The following MTFR1 variants were observed in gnomAD, a reference collection of about 807,000 sequenced individuals.
The protein encoded by MTFR1 is chondrocyte protein with a poly-proline region.
MTFR1 carries 28 observed loss-of-function variants against 38.8 expected under a neutral mutation model. The observed-to-expected ratio is 0.72, with a 90% CI of 0.53 to 0.99. The LOEUF (loss-of-function observed/expected upper bound fraction) is 0.99. Among genes scored for constraint, MTFR1 ranks in the 50% least tolerant of loss-of-function variants. The pLI is 0.00. For missense variants in MTFR1, 358 were observed against 395.5 expected, an observed-to-expected ratio of 0.91 and a Z score of 0.81; for synonymous variants, 145 against 137.0, an observed-to-expected ratio of 1.06 and a Z score of -0.41.
At chr8:65,713,475 CACACACACAA>C (rs1256273952), downstream of MTFR1, among the ~76,000 whole-genome samples, 22 of 143,984 alleles carry the variant, frequency 1.5e-4, no homozygotes, top group African/African-American at 4.7e-4. Context: ...CACACACACA[CACACACACAA>C]ACAAAACAAA....
At chr8:65,675,175 C>T (rs1331384667) in intron 2 of MTFR1, among the ~76,000 whole-genome samples, 4 of 152,218 alleles carry the variant, frequency 2.6e-5, no homozygotes, top group Non-Finnish European at 5.9e-5. Context: ...CCCGTAGTCC[C>T]CGCTACTCGG....
intron 3 of MTFR1, among the ~76,000 whole-genome samples, chr8:65,768,095 G>A (rs1808886353): frequency 6.6e-6 from 1 of 152,192 alleles, no homozygotes; most frequent in African/African-American, 2.4e-5. Flanking sequence ...TGTGTTGGGA[G>A]AAACCCCTCC....
At chr8:65,703,419 GTTTTTTTTTTTTTT>G (rs553260839) in intron 4 of MTFR1, among the ~76,000 whole-genome samples, 8 of 50,940 alleles carry the variant, frequency 1.6e-4, no homozygotes, top group African/African-American at 4.0e-4. Context: ...GATGTCTCTG[GTTTTTTTTTTTTTT>G]TTTTTTTTTT....
At chr8:65,687,609 T>C (rs971005550) in intron 3 of MTFR1, among the ~76,000 whole-genome samples, 1 of 152,022 alleles carries the variant, frequency 6.6e-6, no homozygotes, top group African/African-American at 2.4e-5. Context: ...CCTCCCAAAG[T>C]GCTGGGATTA....
At chr8:65,699,272 A>G (rs1432320131) in intron 4 of MTFR1, among the ~76,000 whole-genome samples, 1 of 152,170 alleles carries the variant, frequency 6.6e-6, no homozygotes, top group Non-Finnish European at 1.5e-5. Flanking sequence ...TTCCGTGTCT[A>G]TGCTGTTGTG....
At chr8:65,734,798 G>C in intron 3 of MTFR1, 1 of 1,568,872 alleles carries the variant, frequency 6.4e-7, no homozygotes, top group Middle Eastern at 1.7e-4. Context: ...TCTTACCTTA[G>C]GTTCCTTTAA....
intron 3 of MTFR1, among the ~76,000 whole-genome samples, chr8:65,736,786 ATC>A (rs1461952422): frequency 3.5e-5 from 4 of 112,974 alleles, no homozygotes; most frequent in Non-Finnish European, 5.7e-5. Flanking sequence ...TAATAAATTT[ATC>A]TGTTTTTTTT....
chr8:65,702,297 CT>C (rs530863447), intron 4 of MTFR1, among the ~76,000 whole-genome samples: 13,699 of 110,226 alleles, frequency 0.12, 792 homozygotes, highest in East Asian at 0.43. Flanking sequence ...TTCTTTCTTT[CT>C]TTTTTTTTTT....
chr8:65,719,009 T>C (rs1001138876), intron 2 of MTFR1: 2 of 457,934 alleles, frequency 4.4e-6, no homozygotes, highest in Non-Finnish European at 8.0e-6. Flanking sequence ...GTGGCACATA[T>C]CAAAACTTCC....
intron 3 of MTFR1, among the ~76,000 whole-genome samples, chr8:65,737,594 A>G (rs2128899541): frequency 6.6e-6 from 1 of 151,888 alleles, no homozygotes; most frequent in East Asian, 1.9e-4. Flanking sequence ...CTCTCTCTCA[A>G]TCTCACCTCT....
At chr8:65,667,191 G>A (rs1012173388) in intron 1 of MTFR1, among the ~76,000 whole-genome samples, 2 of 151,890 alleles carry the variant, frequency 1.3e-5, no homozygotes, top group Middle Eastern at 3.4e-3. Flanking sequence ...CAGGAGAAGT[G>A]CTTGAACCCG....
chr8:65,751,332 C>T lies in MTFR1; in HGVS notation c.*49-19615C>T, dbSNP rs953718375. ...AATCTTTGAATATGTAATGCATTCACGTTTCAAAAACAAGAAGGGAGGGAA... is the reference window on the plus strand; with the variant it reads ...AATCTTTGAATATGTAATGCATTCATGTTTCAAAAACAAGAAGGGAGGGAA... On this transcript the variant is annotated intron_variant, in intron 3 of 3. Coordinates refer to the MTFR1 transcript ENST00000521247. Among the ~76,000 whole-genome samples, 4 of 152,018 alleles carry T rather than the reference C, an allele frequency of 2.6e-5. 1 individual carries two copies. Among genetic ancestry groups the T allele is most frequent in the South Asian group, 4.1e-4 (2 of 4,820 alleles).
chr8:65,727,272 G>A, intron 3 of MTFR1: 2 of 1,613,292 alleles, frequency 1.2e-6, no homozygotes, highest in Non-Finnish European at 1.7e-6. Context: ...AGCTCAGCAA[G>A]ATATCCCAAG....
intron 2 of MTFR1, among the ~76,000 whole-genome samples, chr8:65,677,384 C>CTT (rs771296415): frequency 6.5e-4 from 68 of 104,680 alleles, no homozygotes; most frequent in Middle Eastern, 7.8e-3. Flanking sequence ...TTAGCTGTTT[C>CTT]TTTTTTTTTT....
chr8:65,707,931 C>A lies in MTFR1; in HGVS notation c.853C>A (p.Arg285=). ...AEALKKKFAY[R]YRSDSQDEVE... The stretch of plus-strand genomic sequence containing the variant: ...GGCTCTGAAAAAGAAATTTGCTTAT[C>A]GGTATCGAAGTGATAGCCAAGATGA... The change falls in exon 7 of 8, where the codon CGG becomes AGG. Residue 285 remains arginine (R), a synonymous_variant. Coordinates refer to ENST00000262146, the MANE Select transcript of MTFR1 (RefSeq NM_014637.4). 6.2e-7 allele frequency: 1 copy of A among 1,613,972 alleles called. No homozygotes were observed. The highest frequency in any genetic ancestry group is 1.3e-5 in the African/African-American group (1 of 75,026).
chr8:65,729,427 A>G (rs1038285491), intron 3 of MTFR1, among the ~76,000 whole-genome samples: 6 of 149,688 alleles, frequency 4.0e-5, no homozygotes, highest in African/African-American at 1.5e-4. Context: ...GAAATAGCAG[A>G]AAGAAGGTAC....
chr8:65,757,711 C>T (rs1808302031), intron 3 of MTFR1, among the ~76,000 whole-genome samples: 2 of 152,108 alleles, frequency 1.3e-5, no homozygotes, highest in South Asian at 2.1e-4. Flanking sequence ...CTCTGCTTCC[C>T]GGGTCCAAGT....
At chr8:65,672,436 T>A (rs1382303335) in intron 2 of MTFR1, among the ~76,000 whole-genome samples, 1 of 152,232 alleles carries the variant, frequency 6.6e-6, no homozygotes, top group Non-Finnish European at 1.5e-5. Context: ...TGATCTGATA[T>A]ATACAGGCAT....
At chr8:65,767,959 CT>C (rs1183556196) in intron 3 of MTFR1, among the ~76,000 whole-genome samples, 1 of 152,126 alleles carries the variant, frequency 6.6e-6, no homozygotes, top group East Asian at 1.9e-4. Flanking sequence ...TGACTGGTGT[CT>C]GGGTTTTGGG....
Sources: gnomAD v4.1 joint callset for allele counts (sites outside exome capture counted in the v4.1 genomes callset) on GRCh38, gnomAD v4.1.1 for gene constraint, MANE v1.5 for transcripts, NCBI Gene and HGNC (gene_info 2026-07-23, HGNC 2026-07-21) for gene names.